TENM4: variants seen among roughly 807,000 people sequenced by gnomAD.
The protein encoded by TENM4 is teneurin-4.
In TENM4, 82 loss-of-function variants were observed where a neutral mutation model predicts 243.3. That is an observed-to-expected ratio of 0.34 (90% confidence interval 0.28 to 0.40). TENM4 has a LOEUF of 0.40. Among genes scored for constraint, TENM4 ranks in the 10% least tolerant of loss-of-function variants. The pLI is 1.00. For synonymous variants in TENM4, 1,412 were observed against 1,456.3 expected, an observed-to-expected ratio of 0.97 and a Z score of 0.69; for missense variants, 3,138 against 3,673.3, an observed-to-expected ratio of 0.85 and a Z score of 3.77.
At chr11:79,307,721 T>C (rs928730387) in intron 1 of TENM4, among the ~76,000 whole-genome samples, 1 of 152,172 alleles carries the variant, frequency 6.6e-6, no homozygotes. Flanking sequence ...CCCTGGGCTT[T>C]TTGCTCTCTC....
chr11:79,010,402 G>A (rs1565165910), intron 6 of TENM4, among the ~76,000 whole-genome samples: 1 of 152,114 alleles, frequency 6.6e-6, no homozygotes. Flanking sequence ...AGGCCAGGGA[G>A]GCCGGAAGTC....
intron 20 of TENM4, among the ~76,000 whole-genome samples, chr11:78,733,887 T>C (rs137968987): frequency 2.7e-4 from 41 of 152,286 alleles, no homozygotes; most frequent in African/African-American, 9.4e-4. Flanking sequence ...AGCCCTATCA[T>C]GCAATAAGAC....
chr11:79,229,485 T>C (rs1222046062), intron 2 of TENM4, among the ~76,000 whole-genome samples: 1 of 152,190 alleles, frequency 6.6e-6, no homozygotes, highest in African/African-American at 2.4e-5. Context: ...CTTGGCTAAC[T>C]TAAAACTCCC....
chr11:79,381,353 A>G, intron 1 of TENM4, among the ~76,000 whole-genome samples: 1 of 150,342 alleles, frequency 6.7e-6, no homozygotes, highest in South Asian at 2.1e-4. Context: ...AAAATCCAGG[A>G]GGAAAGAACC....
At chr11:79,026,813 C>T (rs1333156135) in intron 6 of TENM4, among the ~76,000 whole-genome samples, 2 of 152,152 alleles carry the variant, frequency 1.3e-5, no homozygotes, top group African/African-American at 2.4e-5. Context: ...GATGATCACG[C>T]AGCAGAAAAG....
chr11:79,336,173 A>T (rs1372997167), intron 1 of TENM4, among the ~76,000 whole-genome samples: 1 of 151,744 alleles, frequency 6.6e-6, no homozygotes, highest in East Asian at 1.9e-4. Context: ...TCCCCCCTCC[A>T]AGATGGAAGA....
intron 1 of TENM4, among the ~76,000 whole-genome samples, chr11:79,428,890 C>G (rs1240096196): frequency 2.0e-5 from 3 of 152,176 alleles, no homozygotes; most frequent in African/African-American, 7.2e-5. Flanking sequence ...GTATTCTATG[C>G]AGCATTTCTC....
intron 1 of TENM4, among the ~76,000 whole-genome samples, chr11:79,378,280 G>A (rs1286035368): frequency 1.3e-5 from 2 of 152,198 alleles, no homozygotes; most frequent in Admixed American, 6.5e-5. Flanking sequence ...GGCCAATGGA[G>A]TAGGGGGCCT....
chr11:79,277,360 C>T (rs1382654837), intron 2 of TENM4, among the ~76,000 whole-genome samples: 4 of 152,198 alleles, frequency 2.6e-5, no homozygotes, highest in Non-Finnish European at 4.4e-5. Context: ...ATTTTGTGTA[C>T]ATGATTTCAT....
chr11:79,161,149 C>T (rs1260254789), intron 3 of TENM4, among the ~76,000 whole-genome samples: 1 of 152,176 alleles, frequency 6.6e-6, no homozygotes, highest in African/African-American at 2.4e-5. Flanking sequence ...ATTTTATGTG[C>T]AAGAGAAACA....
At chr11:78,904,523 C>G (rs762648571) in intron 6 of TENM4, among the ~76,000 whole-genome samples, 3 of 151,946 alleles carry the variant, frequency 2.0e-5, no homozygotes, top group Non-Finnish European at 4.4e-5. Flanking sequence ...ATAAAGTGAG[C>G]CATGCTGGGG....
chr11:79,337,017 A>T (rs1857158983), intron 1 of TENM4, among the ~76,000 whole-genome samples: 1 of 152,254 alleles, frequency 6.6e-6, no homozygotes, highest in Non-Finnish European at 1.5e-5. Context: ...GAAATGCAAT[A>T]GCCGAGGGGA....
chr11:79,198,876 G>A (rs969990483), intron 3 of TENM4, among the ~76,000 whole-genome samples: 15 of 152,142 alleles, frequency 9.9e-5, no homozygotes, highest in African/African-American at 3.4e-4. Context: ...TAAAAGAGGG[G>A]GCTGACCTGA....
chr11:78,703,843 A>G (rs1211064110), intron 27 of TENM4, among the ~76,000 whole-genome samples: 1 of 151,546 alleles, frequency 6.6e-6, no homozygotes, highest in Non-Finnish European at 1.5e-5. Flanking sequence ...CCTTTATTTT[A>G]ATTTACTTAT....
chr11:78,675,006 C>T (rs748491206), intron 30 of TENM4, among the ~76,000 whole-genome samples: 2 of 152,104 alleles, frequency 1.3e-5, no homozygotes, highest in Non-Finnish European at 2.9e-5. Context: ...GCTAGGATTA[C>T]TGGTGTCCCC....
intron 3 of TENM4, among the ~76,000 whole-genome samples, chr11:79,154,200 G>T (rs565472449): frequency 6.6e-6 from 1 of 151,964 alleles, no homozygotes; most frequent in African/African-American, 2.4e-5. Flanking sequence ...GCATAGTGTT[G>T]GCATCTGCTT....
chr11:78,736,477 T>TGTGTGTGTGTGTGC (rs1328804792), intron 20 of TENM4, among the ~76,000 whole-genome samples: 4 of 102,130 alleles, frequency 3.9e-5, no homozygotes, highest in African/African-American at 1.0e-4. Context: ...TGTGTGTGTG[T>TGTGTGTGTGTGTGC]GTGCGCGCGC....
chr11:78,886,141 A>C (rs1855543181), intron 9 of TENM4, among the ~76,000 whole-genome samples: 1 of 152,356 alleles, frequency 6.6e-6, no homozygotes, highest in Non-Finnish European at 1.5e-5. Flanking sequence ...CATAATTCTT[A>C]AATGAGTTAA....
chr11:79,311,455 G>C (rs1347667781), intron 1 of TENM4, among the ~76,000 whole-genome samples: 1 of 152,220 alleles, frequency 6.6e-6, no homozygotes. Flanking sequence ...GGGGCATTGA[G>C]GGGAACAGAC....
Sources: allele counts gnomAD v4.1 joint callset (sites outside exome capture counted in the v4.1 genomes callset), GRCh38; gene constraint gnomAD v4.1.1; transcripts MANE v1.5; gene names NCBI Gene and HGNC (gene_info 2026-07-23, HGNC 2026-07-21).